DLGAP2: variants seen among roughly 807,000 people sequenced by gnomAD.
DLGAP2 encodes the protein disks large-associated protein 2.
In DLGAP2, 26 loss-of-function variants were observed where a neutral mutation model predicts 100.3. That is an observed-to-expected ratio of 0.26 (90% confidence interval 0.19 to 0.36). The LOEUF (loss-of-function observed/expected upper bound fraction) is 0.36. Ranked by LOEUF, DLGAP2 falls within the 10% of genes least tolerant of loss-of-function variation. DLGAP2 has a pLI of 1.00. For synonymous variants in DLGAP2, 886 were observed against 630.1 expected, an observed-to-expected ratio of 1.41 and a Z score of -6.08; for missense variants, 1,858 against 1,453.2, an observed-to-expected ratio of 1.28 and a Z score of -4.53.
chr8:1,094,332 A>G (rs1204084167), intron 2 of DLGAP2, among the ~76,000 whole-genome samples: 1 of 152,208 alleles, frequency 6.6e-6, no homozygotes, highest in Non-Finnish European at 1.5e-5. Flanking sequence ...TTTCTTTCCA[A>G]TCCACTAACG....
In DLGAP2 at chr8:1,561,649, C is replaced by A. The variant is rs549115980; in HGVS notation, c.1231-4034C>A. ...CAGCTGTGATCCACCTGCACCGTGA[C>A]CCACAGGGGCCTGCGGGACTGTGGT... is the stretch of plus-strand genomic sequence containing the variant. On this transcript the variant is annotated intron_variant, in intron 5 of 14. Transcript: ENST00000637795. Among the ~76,000 whole-genome samples, 5 of 152,288 alleles carry A rather than the reference C, an allele frequency of 3.3e-5. No homozygotes were observed. The South Asian group carries it at 1.0e-3, about 32-fold the overall frequency.
intron 6 of DLGAP2, among the ~76,000 whole-genome samples, chr8:1,619,058 A>G (rs1211833450): frequency 6.6e-6 from 1 of 152,208 alleles, no homozygotes; most frequent in Non-Finnish European, 1.5e-5. Context: ...AGACACAACT[A>G]AGAAAATGGA....
At chr8:1,422,785 G>A (rs1010698390) in intron 3 of DLGAP2, among the ~76,000 whole-genome samples, 1 of 152,126 alleles carries the variant, frequency 6.6e-6, no homozygotes, top group Admixed American at 6.5e-5. Flanking sequence ...GCAGGGGAAA[G>A]GCTGAGGGCA....
intron 3 of DLGAP2, among the ~76,000 whole-genome samples, chr8:1,263,601 G>C (rs186662960): frequency 2.0e-3 from 300 of 152,264 alleles, no homozygotes; most frequent in Admixed American, 4.6e-3. Context: ...CAAGTGACTC[G>C]AAACAATGCA....
Position 1,678,612 on chromosome 8 carries a change from A to T in DLGAP2, c.2687A>T (p.Asn896Ile). The T allele has an allele frequency of 1.9e-6, 3 of 1,553,584 alleles. No homozygotes were observed. The highest frequency in any genetic ancestry group is 2.6e-6 in the Non-Finnish European group (3 of 1,147,660). Residue 896 changes from asparagine to isoleucine, a missense_variant, in exon 12 of 15, where the codon AAC (asparagine) becomes ATC (isoleucine). By Grantham distance (149) the Asn-to-Ile change is moderately radical. Coordinates refer to ENST00000637795, the MANE Select transcript of DLGAP2 (RefSeq NM_001346810.2). ...CKEMEREAEE[N>I]DLSEEILGKI... Reference sequence around the variant, plus strand: ...GAGATGGAGAGAGAGGCGGAGGAGAACGACCTCTCGGAGGAAAGTAAGAGC... The same window carrying T: ...GAGATGGAGAGAGAGGCGGAGGAGATCGACCTCTCGGAGGAAAGTAAGAGC...
At chr8:1,229,647 A>T (rs1798493083) in intron 2 of DLGAP2, among the ~76,000 whole-genome samples, 1 of 152,234 alleles carries the variant, frequency 6.6e-6, no homozygotes, top group South Asian at 2.1e-4. Context: ...TAAAACCAAC[A>T]GCACATCAAC....
At position 969,487 on chromosome 8, in the gene DLGAP2, G is replaced by A. The variant is rs371341672; in HGVS notation, c.73+61521G>A. Among the ~76,000 whole-genome samples, 33 of 151,484 alleles carry A rather than the reference G, an allele frequency of 2.2e-4. 1 individual carries two copies. In the South Asian group the frequency reaches 6.7e-3, roughly 31 times the overall value. ...CAAACCCAGTGTGCTGGAGCAGCTC[G>A]TACTGGCTTGCAAGAACCAACTGTT... On this transcript the variant is annotated intron_variant, in intron 2 of 14. Coordinates refer to ENST00000637795, the MANE Select transcript of DLGAP2 (RefSeq NM_001346810.2).
At chr8:1,617,516 G>T (rs560949406) in intron 6 of DLGAP2, among the ~76,000 whole-genome samples, 102 of 152,298 alleles carry the variant, frequency 6.7e-4, no homozygotes, top group South Asian at 1.9e-3. Context: ...TTGGCCACAT[G>T]TATGTCTTCG....
chr8:972,188 C>G (rs1800030694), intron 2 of DLGAP2, among the ~76,000 whole-genome samples: 1 of 152,192 alleles, frequency 6.6e-6, no homozygotes, highest in African/African-American at 2.4e-5. Context: ...AGACATAAAT[C>G]TCACCCTAAA....
At chr8:1,437,536 C>T (rs754459407) in intron 3 of DLGAP2, among the ~76,000 whole-genome samples, 6 of 152,176 alleles carry the variant, frequency 3.9e-5, no homozygotes, top group Admixed American at 1.3e-4. Context: ...CACCTTAGTT[C>T]ACGTGGATGG....
chr8:1,633,217 C>G (rs1299561540), intron 8 of DLGAP2, among the ~76,000 whole-genome samples, 171 bp downstream of exon 8: 1 of 152,180 alleles, frequency 6.6e-6, no homozygotes, highest in Non-Finnish European at 1.5e-5. Flanking sequence ...GGTGTTTTGT[C>G]TCTTGTAGAT....
chr8:1,701,517 T>TCCCGCGCTC lies in DLGAP2; in HGVS notation c.*119_*127dup. On this transcript the variant is annotated 3_prime_UTR_variant, in exon 15 of 15. Transcript: ENST00000637795. ...CTCCTCCCGCTGAACACGTCCTCGC[T>TCCCGCGCTC]CCCGCGCTCCCCGCGCCCCGGACAC... 1.7e-6 allele frequency: 2 copies of TCCCGCGCTC among 1,171,986 alleles called. No homozygotes were observed. The highest frequency in any genetic ancestry group is 2.3e-6 in the Non-Finnish European group (2 of 856,770). The allele number at this position is 1,171,986 out of a possible 1,614,324, so 72.6% of individuals were successfully genotyped here.
chr8:1,466,326 C>T (rs1798624409), intron 3 of DLGAP2, among the ~76,000 whole-genome samples: 1 of 152,050 alleles, frequency 6.6e-6, no homozygotes, highest in South Asian at 2.1e-4. Flanking sequence ...AGTGATGAGG[C>T]CCAGCCGACC....
intron 10 of DLGAP2, among the ~76,000 whole-genome samples, chr8:1,670,414 T>TC (rs1798661252): frequency 6.6e-6 from 1 of 152,002 alleles, no homozygotes; most frequent in Admixed American, 6.5e-5. Flanking sequence ...CTTCTCCTCA[T>TC]CCCCCCAGCT....
At chr8:1,369,874 G>A (rs888297893) in intron 3 of DLGAP2, 2 of 152,264 alleles carry the variant, frequency 1.3e-5, no homozygotes, top group African/African-American at 4.8e-5. Context: ...CACAAGCCTG[G>A]CGGGAAGACG....
chr8:1,057,276 T>C (rs192176278), intron 2 of DLGAP2, among the ~76,000 whole-genome samples: 83 of 152,336 alleles, frequency 5.4e-4, no homozygotes, highest in Non-Finnish European at 1.0e-3. Context: ...ACAGGTAAAT[T>C]TAATTACCTA....
intron 3 of DLGAP2, among the ~76,000 whole-genome samples, chr8:1,370,403 G>A (rs765559708): frequency 6.6e-6 from 1 of 152,148 alleles, no homozygotes; most frequent in Non-Finnish European, 1.5e-5. Context: ...ACTTCTCACT[G>A]TTTATCTTAC....
intron 2 of DLGAP2, among the ~76,000 whole-genome samples, chr8:1,024,177 G>A (rs1801715800): frequency 8.9e-6 from 1 of 112,864 alleles, no homozygotes; most frequent in African/African-American, 2.6e-5. Context: ...ACCCTCCCTG[G>A]GGGTGGACAG....
chr8:1,164,964 T>C (rs1796985511), intron 2 of DLGAP2, among the ~76,000 whole-genome samples: 1 of 152,024 alleles, frequency 6.6e-6, no homozygotes. Flanking sequence ...GAAACCCAAA[T>C]TATCTTCCCA....
Sources: gnomAD v4.1 joint callset for allele counts (sites outside exome capture counted in the v4.1 genomes callset) on GRCh38, gnomAD v4.1.1 for gene constraint, MANE v1.5 for transcripts, NCBI Gene and HGNC (gene_info 2026-07-23, HGNC 2026-07-21) for gene names.